Variants in ASTN2 observed in about 807,000 individuals in gnomAD.
ASTN2 encodes astrotactin 2.
A neutral mutation model predicts 139.8 loss-of-function variants in ASTN2; 54 were observed. The ratio of observed to expected loss-of-function variants is 0.39; its 90% CI spans 0.31 to 0.48. The LOEUF (loss-of-function observed/expected upper bound fraction) is 0.48, where lower values mean the gene tolerates loss of function less well. Among genes scored for constraint, ASTN2 ranks in the 20% least tolerant of loss-of-function variants. ASTN2 has a pLI of 0.95. For synonymous variants in ASTN2, 756 were observed against 719.5 expected, an observed-to-expected ratio of 1.05 and a Z score of -0.81; for missense variants, 1,565 against 1,725.1, an observed-to-expected ratio of 0.91 and a Z score of 1.64.
chr9:117,192,982 CTG>C (rs1306738433), intron 3 of ASTN2, among the ~76,000 whole-genome samples: 1 of 152,200 alleles, frequency 6.6e-6, no homozygotes, highest in Non-Finnish European at 1.5e-5. Flanking sequence ...CCCTTCTTAA[CTG>C]TGACCTTTTA....
At chr9:117,014,175 A>C (rs1159144152) in intron 6 of ASTN2, among the ~76,000 whole-genome samples, 1 of 152,138 alleles carries the variant, frequency 6.6e-6, no homozygotes, top group South Asian at 2.1e-4. Context: ...TGAAGCAGGA[A>C]TGAAGATCAT....
intron 10 of ASTN2, among the ~76,000 whole-genome samples, chr9:116,872,759 G>A (rs767079810): frequency 2.0e-5 from 3 of 152,170 alleles, no homozygotes; most frequent in Non-Finnish European, 4.4e-5. Context: ...GTGGGTTAAA[G>A]AAATTCTAGG....
In ASTN2 at chr9:116,655,250, C is replaced by T. The variant is rs191145287; in HGVS notation, c.2807-3457G>A. On this transcript the variant is annotated intron_variant, in intron 16 of 22. Transcript: ENST00000313400. Reference sequence around the variant, plus strand: ...ACCATTAGCCATTCCATTAATTATTCCTCTGTAGACATTACAATTGCAAAA... The same window carrying T: ...ACCATTAGCCATTCCATTAATTATTTCTCTGTAGACATTACAATTGCAAAA... Among the ~76,000 whole-genome samples the T allele has an allele frequency of 2.9e-4, 44 of 152,318 alleles. No homozygotes were observed. In the East Asian group the frequency reaches 7.1e-3, roughly 25 times the overall value.
chr9:116,929,067 A>G (rs1834832307), intron 10 of ASTN2, among the ~76,000 whole-genome samples: 2 of 152,172 alleles, frequency 1.3e-5, no homozygotes, highest in Admixed American at 6.5e-5. Context: ...TATTATCCCC[A>G]TTTACAGGTA....
At chr9:116,449,239 C>G (rs1222729533) in intron 20 of ASTN2, among the ~76,000 whole-genome samples, 3 of 152,056 alleles carry the variant, frequency 2.0e-5, no homozygotes, top group Non-Finnish European at 2.9e-5. Context: ...AACCCCATCT[C>G]TACAAAAAAT....
At position 117,201,358 on chromosome 9, in the gene ASTN2, T is replaced by C. The variant is rs541560638; in HGVS notation, c.1015+13000A>G. ...CGTTCAGTTTTTGGAGGGTTTTTCATGTCTCTATCTCCTTCAATTCTTCTC... is the reference window on the plus strand; with the variant it reads ...CGTTCAGTTTTTGGAGGGTTTTTCACGTCTCTATCTCCTTCAATTCTTCTC... On this transcript the variant is annotated intron_variant, in intron 3 of 22. Transcript: ENST00000313400. 2.6e-5 allele frequency among the ~76,000 whole-genome samples: 4 copies of C among 152,178 alleles called. No individual in the cohort carries two copies. The East Asian group carries it at 7.7e-4, about 29-fold the overall frequency.
chr9:117,270,532 T>G (rs1834039144), intron 2 of ASTN2, among the ~76,000 whole-genome samples: 1 of 152,222 alleles, frequency 6.6e-6, no homozygotes, highest in Admixed American at 6.5e-5. Flanking sequence ...TGTCATTAAC[T>G]TTTCCCTATT....
chr9:116,430,729 A>G (rs764951943), intron 22 of ASTN2, among the ~76,000 whole-genome samples: 2 of 152,246 alleles, frequency 1.3e-5, no homozygotes, highest in Admixed American at 6.5e-5. Context: ...CGTAACAGGC[A>G]CTGAACCAAT....
intron 10 of ASTN2, among the ~76,000 whole-genome samples, chr9:116,968,235 C>G (rs1324841794): frequency 6.6e-6 from 1 of 152,118 alleles, no homozygotes; most frequent in Non-Finnish European, 1.5e-5. Context: ...ACTTCTAGAG[C>G]CTAGCACAAT....
At chr9:116,828,979 A>T (rs1831724503) in intron 11 of ASTN2, among the ~76,000 whole-genome samples, 1 of 152,154 alleles carries the variant, frequency 6.6e-6, no homozygotes, top group Non-Finnish European at 1.5e-5. Context: ...CTATAAAAAT[A>T]ATAACAAAAC....
chr9:117,274,312 T>C (rs996070298), intron 2 of ASTN2, among the ~76,000 whole-genome samples: 2 of 152,128 alleles, frequency 1.3e-5, no homozygotes, highest in Admixed American at 1.3e-4. Context: ...ATCGCACCAC[T>C]GCACTCCAGC....
intron 10 of ASTN2, among the ~76,000 whole-genome samples, chr9:116,917,793 C>T (rs1447971186): frequency 2.0e-5 from 3 of 152,164 alleles, no homozygotes; most frequent in Non-Finnish European, 2.9e-5. Flanking sequence ...TTCTATGGAT[C>T]TGGTACTGTG....
intron 12 of ASTN2, among the ~76,000 whole-genome samples, chr9:116,808,596 G>C (rs1285536695): frequency 1.3e-5 from 2 of 152,056 alleles, no homozygotes; most frequent in Admixed American, 6.6e-5. Context: ...GCTGTTTATA[G>C]CTATTTGTTA....
At chr9:116,563,802 T>C (rs149682426) in intron 19 of ASTN2, among the ~76,000 whole-genome samples, 1 of 152,322 alleles carries the variant, frequency 6.6e-6, no homozygotes, top group Non-Finnish European at 1.5e-5. Flanking sequence ...TGTCTCTGGA[T>C]TGCATCTGCA....
intron 4 of ASTN2, among the ~76,000 whole-genome samples, chr9:117,101,436 T>C (rs1013744940): frequency 6.6e-6 from 1 of 152,148 alleles, no homozygotes. Context: ...GGTTAGAGAC[T>C]GGCAAGAAAA....
At chr9:116,426,174 G>C (rs1847304788) in intron 22 of ASTN2, 86 bp from the exon 23 acceptor site, 1 of 1,528,664 alleles carries the variant, frequency 6.5e-7, no homozygotes, top group African/African-American at 1.4e-5. Context: ...ACAAACAAAT[G>C]GTAACTTCTC....
rs1588418882 is a variant in ASTN2 at position 116,929,010 on chromosome 9, C to T, written c.1889+46198G>A. 2.0e-5 allele frequency among the ~76,000 whole-genome samples: 3 copies of T among 152,346 alleles called. 1 individual carries two copies. In the South Asian group the frequency reaches 6.2e-4, roughly 32 times the overall value. On this transcript the variant is annotated intron_variant, in intron 10 of 22. Coordinates refer to ENST00000313400, the MANE Select transcript of ASTN2 (RefSeq NM_001365068.1). ...AATAAGAATCCAGGCCTGTCGTGGCCTGCATTTCTGGCATTCCTCACATAC... is the reference window on the plus strand; with the variant it reads ...AATAAGAATCCAGGCCTGTCGTGGCTTGCATTTCTGGCATTCCTCACATAC...
chr9:116,921,586 T>TG (rs1434010824), intron 10 of ASTN2, among the ~76,000 whole-genome samples: 60 of 112,960 alleles, frequency 5.3e-4, no homozygotes, highest in Non-Finnish European at 8.4e-4. Context: ...AGACTCCGTC[T>TG]AAAAAAAAAA....
intron 16 of ASTN2, among the ~76,000 whole-genome samples, chr9:116,686,167 C>T (rs921906331): frequency 6.6e-6 from 1 of 152,052 alleles, no homozygotes; most frequent in African/African-American, 2.4e-5. Context: ...AAAGAGTAAA[C>T]AAGGTTAAGA....
Sources: allele counts gnomAD v4.1 joint callset (sites outside exome capture counted in the v4.1 genomes callset), GRCh38; gene constraint gnomAD v4.1.1; transcripts MANE v1.5; gene names NCBI Gene and HGNC (gene_info 2026-07-23, HGNC 2026-07-21).